PCNT: variants seen among roughly 807,000 people sequenced by gnomAD.
PCNT encodes the protein kendrin.
PCNT carries 319 observed loss-of-function variants against 380.4 expected under a neutral mutation model. The ratio of observed to expected loss-of-function variants is 0.84; its 90% confidence interval spans 0.77 to 0.92. The LOEUF is 0.92. Ranked by LOEUF, PCNT falls within the 40% of genes least tolerant of loss-of-function variation. PCNT has a pLI of 0.00. For synonymous variants in PCNT, 1,845 were observed against 1,735.2 expected (o/e 1.06, Z -1.57); for missense variants, 4,400 against 4,255.3 (o/e 1.03, Z -0.95).
In PCNT at chr21:46,359,481, TTTTTTTTTTG is replaced by T. The variant is rs1213110881; in HGVS notation, c.2154+2300_2154+2309del. On this transcript the variant is annotated intron_variant, in intron 13 of 46. Transcript: ENST00000359568. ...AGTATTCTGTCCAAAAATACACCTG[TTTTTTTTTTG>T]TTTTTTTTTTTTTTTTGAGACAGTG... is the stretch of plus-strand genomic sequence containing the variant. Among the ~76,000 whole-genome samples, 36 of 76,542 alleles carry T rather than the reference TTTTTTTTTTG, an allele frequency of 4.7e-4. 5 individuals carry two copies. Among genetic ancestry groups the T allele is most frequent in the East Asian group, 2.0e-3 (5 of 2,452 alleles). 50.2% of individuals were successfully genotyped at this position (76,542 alleles called of 152,430 possible).
intron 27 of PCNT, among the ~76,000 whole-genome samples, chr21:46,407,187 T>C (rs937107484): frequency 6.6e-6 from 1 of 152,180 alleles, no homozygotes; most frequent in African/African-American, 2.4e-5. Context: ...TTTGGAGTTT[T>C]ATATCTAGAG....
intron 1 of PCNT, chr21:46,325,133 G>T: frequency 2.0e-6 from 2 of 985,626 alleles, no homozygotes; most frequent in Non-Finnish European, 2.4e-6. Context: ...AGCGCGCAGA[G>T]CCCATGACTC....
intron 13 of PCNT, among the ~76,000 whole-genome samples, chr21:46,358,433 G>C (rs1261427315): frequency 6.6e-6 from 1 of 152,226 alleles, no homozygotes; most frequent in African/African-American, 2.4e-5. Flanking sequence ...TTTGTTAAAT[G>C]CAGGTGTTGG....
chr21:46,426,550 G>T (rs545969423), intron 33 of PCNT, among the ~76,000 whole-genome samples: 1 of 152,284 alleles, frequency 6.6e-6, no homozygotes, highest in South Asian at 2.1e-4. Context: ...CTGCGGACTC[G>T]GCCCATTCCA....
intron 15 of PCNT, among the ~76,000 whole-genome samples, chr21:46,372,902 G>A (rs2085200609): frequency 1.3e-5 from 2 of 152,244 alleles, no homozygotes; most frequent in Non-Finnish European, 2.9e-5. Flanking sequence ...CTTTTCCAGG[G>A]ACTCATGCTA....
intron 30 of PCNT, among the ~76,000 whole-genome samples, chr21:46,417,775 C>T (rs190919983): frequency 2.6e-5 from 4 of 152,114 alleles, no homozygotes; most frequent in East Asian, 1.9e-4. Context: ...GTGCTGGTGC[C>T]GCCCATGGTC....
chr21:46,336,777 T>A (rs1410990946), intron 3 of PCNT, among the ~76,000 whole-genome samples: 1 of 152,088 alleles, frequency 6.6e-6, no homozygotes, highest in Non-Finnish European at 1.5e-5. Context: ...GTGTGTACAC[T>A]CATAGCTGTA....
At chr21:46,386,391 C>T (rs2085837219) in intron 17 of PCNT, among the ~76,000 whole-genome samples, 1 of 152,268 alleles carries the variant, frequency 6.6e-6, no homozygotes, top group African/African-American at 2.4e-5. Flanking sequence ...GTGCAAGTGT[C>T]GTGCCTCATG....
chr21:46,367,587 A>T (rs2084974665), intron 15 of PCNT, among the ~76,000 whole-genome samples: 1 of 152,114 alleles, frequency 6.6e-6, no homozygotes, highest in South Asian at 2.1e-4. Flanking sequence ...GATTACAGGT[A>T]TGAGCCACCG....
At chr21:46,432,467 A>G (rs1021722684) in intron 38 of PCNT, among the ~76,000 whole-genome samples, 16 of 152,176 alleles carry the variant, frequency 1.1e-4, no homozygotes, top group African/African-American at 3.6e-4. Context: ...GCTTCTTGCT[A>G]TTCCACAGGA....
chr21:46,380,312 C>T (rs772285473), intron 15 of PCNT, among the ~76,000 whole-genome samples: 1 of 151,736 alleles, frequency 6.6e-6, no homozygotes, highest in Non-Finnish European at 1.5e-5. Flanking sequence ...CAGGTGCCCA[C>T]CACCACACCC....
chr21:46,377,378 C>T lies in PCNT; in HGVS notation c.3166-4316C>T, dbSNP rs1445222414. The stretch of plus-strand genomic sequence containing the variant: ...CTGCCTGCTAAGTAGATACAAAAAA[C>T]TTACTTTATCAGTTACCTTTTCACA... On this transcript the variant is annotated intron_variant, in intron 15 of 46. Coordinates refer to ENST00000359568, the MANE Select transcript of PCNT (RefSeq NM_006031.6). Among the ~76,000 whole-genome samples the T allele has an allele frequency of 4.6e-5, 7 of 152,362 alleles. No homozygotes were observed. The East Asian group carries it at 9.6e-4, about 21-fold the overall frequency.
chr21:46,355,543 G>A lies in PCNT; in HGVS notation c.1853G>A (p.Gly618Glu), dbSNP rs777184582. The change falls in exon 12 of 47, where the codon GGG becomes GAG. Residue 618 changes from glycine to glutamate, a missense_variant. By Grantham distance (98) the Gly-to-Glu change is moderately conservative. Coordinates refer to ENST00000359568, the MANE Select transcript of PCNT (RefSeq NM_006031.6). ...LESPLCIQHE[G>E]HVSDRCCVET... The stretch of plus-strand genomic sequence containing the variant: ...TCTCCCCTCTGCATCCAGCACGAGG[G>A]GCATGTCTCAGACAGATGCTGCGTA... 9.3e-6 allele frequency: 15 copies of A among 1,614,026 alleles called. No homozygotes were observed. In the South Asian group the frequency reaches 1.4e-4, roughly 15 times the overall value.
chr21:46,346,790 C>T lies in PCNT; in HGVS notation c.768C>T (p.Asn256=), dbSNP rs772059720. ...ELEALRLSLS[N]MHTAQLELTQ... is the part of the protein sequence containing the mutation. ...AGGCGCTGCGCCTGAGTCTGAGCAACATGCACACGGCGCAGCTGGAGCTGA... is the reference window on the plus strand; with the variant it reads ...AGGCGCTGCGCCTGAGTCTGAGCAATATGCACACGGCGCAGCTGGAGCTGA... The change falls in exon 5 of 47, where the codon AAC becomes AAT. Residue 256 remains asparagine (N), a synonymous_variant. Transcript: ENST00000359568. The T allele has an allele frequency of 1.9e-6, 3 of 1,600,546 alleles. No individual in the cohort carries two copies. The highest frequency in any genetic ancestry group is 2.6e-6 in the Non-Finnish European group (3 of 1,174,644).
rs1434556340 is a variant in PCNT at position 46,398,062 on chromosome 21, A to G, written c.4495A>G (p.Ile1499Val). Residue 1499 changes from isoleucine (I) to valine (V), a missense_variant, in exon 23 of 47, where the codon ATT (isoleucine) becomes GTT (valine). Coordinates refer to ENST00000359568, the MANE Select transcript of PCNT (RefSeq NM_006031.6). ...EHEREEFQQE[I>V]QRLEGQLRQA... is the part of the protein sequence containing the mutation. ...CGAGCGCGAGGAGTTCCAGCAGGAG[A>G]TTCAGAGGCTGGAGGGGCAGCTCCG... 2 of 1,597,740 alleles carry G rather than the reference A, an allele frequency of 1.3e-6. No individual in the cohort carries two copies. Among genetic ancestry groups the G allele is most frequent in the African/African-American group, 2.7e-5 (2 of 74,606 alleles).
chr21:46,391,322 C>A lies in PCNT; in HGVS notation c.4162C>A (p.Arg1388Ser). The A allele has an allele frequency of 2.6e-6, 4 of 1,562,294 alleles. No individual in the cohort carries two copies. In the East Asian group the frequency reaches 9.5e-5, roughly 37 times the overall value. Residue 1388 changes from arginine (R) to serine (S), a missense_variant, in exon 21 of 47, where the codon CGT becomes AGT. Arg to Ser is a moderately radical substitution (Grantham distance 110). Transcript: ENST00000359568. ...GGCGGCGCTGAGGGAGGAGTGCACC[C>A]GTCTGTGGAGTCGGGGGGAGGCCAC... is the stretch of plus-strand genomic sequence containing the variant. Reference protein sequence around the residue: ...EQAALREECTRLWSRGEATAT... With the variant: ...EQAALREECTSLWSRGEATAT...
chr21:46,351,022 C>G (rs183944455), intron 8 of PCNT, among the ~76,000 whole-genome samples: 1 of 152,150 alleles, frequency 6.6e-6, no homozygotes, highest in Admixed American at 6.5e-5. Context: ...ACTGAGAGAC[C>G]TCCTATTTGG....
At chr21:46,326,252 G>A (rs2083391214) in intron 1 of PCNT, 125 bp from the exon 2 acceptor site, 1 of 791,678 alleles carries the variant, frequency 1.3e-6, no homozygotes, top group South Asian at 1.5e-5. Context: ...TGTTGGCCAG[G>A]TGTGGCAGAG....
Position 46,412,872 on chromosome 21 carries a change from T to A in PCNT, c.6030T>A (p.Asp2010Glu). ...DLQPVLVTLK[D>E]APLCKQEGVM... Reference sequence around the variant, plus strand: ...AGCCTGTCCTGGTGACGTTGAAGGATGCACCTCTCTGCAAGCAAGAAGGCG... The same window carrying A: ...AGCCTGTCCTGGTGACGTTGAAGGAAGCACCTCTCTGCAAGCAAGAAGGCG... Residue 2010 changes from aspartate to glutamate, a missense_variant, in exon 29 of 47, where the codon GAT becomes GAA. Coordinates refer to ENST00000359568, the MANE Select transcript of PCNT (RefSeq NM_006031.6). 1 of 1,612,802 alleles carries A rather than the reference T, an allele frequency of 6.2e-7. No individual in the cohort carries two copies. Among genetic ancestry groups the A allele is most frequent in the Non-Finnish European group, 8.5e-7 (1 of 1,180,030 alleles).
Sources: gnomAD v4.1 joint callset for allele counts (sites outside exome capture counted in the v4.1 genomes callset) on GRCh38, gnomAD v4.1.1 for gene constraint, MANE v1.5 for transcripts, NCBI Gene and HGNC (gene_info 2026-07-23, HGNC 2026-07-21) for gene names.